Variants in ECD observed in about 807,000 individuals in gnomAD.
ECD encodes the protein ecdysoneless cell cycle regulator.
Under a neutral mutation model 77.2 loss-of-function variants are expected in ECD, and 59 were observed. That is an observed-to-expected ratio of 0.76 (90% confidence interval 0.62 to 0.95). ECD has a LOEUF of 0.95. Ranked by LOEUF, ECD falls within the 40% of genes least tolerant of loss-of-function variation. ECD has a pLI of 0.00. For missense variants in ECD, 704 were observed against 763.4 expected (o/e 0.92, Z 0.92); for synonymous variants, 233 against 267.4 (o/e 0.87, Z 1.26).
intron 1 of ECD, among the ~76,000 whole-genome samples, chr10:73,165,765 C>G (rs1489029475): frequency 6.6e-6 from 1 of 151,808 alleles, no homozygotes; most frequent in East Asian, 1.9e-4. Context: ...CTTTGTGTTA[C>G]AAACACTCTA....
chr10:73,141,676 G>T lies in ECD; in HGVS notation c.1128-1939C>A, dbSNP rs1843060360. Among the ~76,000 whole-genome samples the T allele has an allele frequency of 4.6e-5, 7 of 152,124 alleles. No homozygotes were observed. In the South Asian group the frequency reaches 1.5e-3, roughly 32 times the overall value. ...CTCACTATGACTCTCTTTAGCATTT[G>T]ATATTCCAGAATGATTTTTATTTTG... On this transcript the variant is annotated intron_variant, in intron 9 of 13. Coordinates refer to ENST00000372979, the MANE Select transcript of ECD (RefSeq NM_007265.3).
intron 9 of ECD, among the ~76,000 whole-genome samples, chr10:73,145,192 C>T (rs1843107392): frequency 6.6e-6 from 1 of 152,006 alleles, no homozygotes; most frequent in Non-Finnish European, 1.5e-5. Flanking sequence ...GGTGAAACCC[C>T]ATCTCTACTA....
rs1370312030 is a variant in ECD at position 73,134,412 on chromosome 10, A to C, written c.*171T>G. 1.6e-6 allele frequency: 1 copy of C among 641,976 alleles called. No individual in the cohort carries two copies. Among genetic ancestry groups the C allele is most frequent in the Non-Finnish European group, 2.7e-6 (1 of 376,556 alleles). The allele number at this position is 641,976 out of a possible 1,614,324, so 39.8% of individuals were successfully genotyped here. A position where few individuals can be genotyped will look rare whatever the true frequency, so the allele number is the denominator to read the frequency against. On this transcript the variant is annotated 3_prime_UTR_variant, in exon 14 of 14. Coordinates refer to ENST00000372979, the MANE Select transcript of ECD (RefSeq NM_007265.3). ...AAAACCTGTGTATAACCCACAGCTG[A>C]GATCACAAAGACTTGTGCCAAGAGG...
chr10:73,142,077 T>C (rs1366101939), intron 9 of ECD, among the ~76,000 whole-genome samples: 2 of 152,190 alleles, frequency 1.3e-5, no homozygotes, highest in South Asian at 2.1e-4. Context: ...TCTCAGCAAG[T>C]AGCTGGGATT....
chr10:73,145,262 G>A (rs1055480930), intron 9 of ECD, among the ~76,000 whole-genome samples: 14 of 152,026 alleles, frequency 9.2e-5, no homozygotes, highest in African/African-American at 3.4e-4. Flanking sequence ...TACTTGGGAG[G>A]CTGAGGCAGA....
intron 3 of ECD, among the ~76,000 whole-genome samples, chr10:73,158,085 C>T (rs1843323832): frequency 6.6e-6 from 1 of 151,956 alleles, no homozygotes; most frequent in African/African-American, 2.4e-5. Context: ...CTCAGCCTCC[C>T]GAGTAGCTGG....
At chr10:73,137,504 G>A (rs1305371262) in intron 12 of ECD, among the ~76,000 whole-genome samples, 1 of 152,108 alleles carries the variant, frequency 6.6e-6, no homozygotes, top group East Asian at 1.9e-4. Flanking sequence ...GGCCGGGCAC[G>A]GTGGCTCACG....
intron 9 of ECD, among the ~76,000 whole-genome samples, chr10:73,145,549 C>T (rs1843113160): frequency 6.6e-6 from 1 of 150,936 alleles, no homozygotes; most frequent in Non-Finnish European, 1.5e-5. Flanking sequence ...TCTCCTGCAA[C>T]ATAAATTAAA....
At chr10:73,154,492 T>C (rs777442786) in intron 5 of ECD, 44 bp from the exon 6 acceptor site, 1 of 1,511,740 alleles carries the variant, frequency 6.6e-7, no homozygotes, top group Non-Finnish European at 8.9e-7. Context: ...AGTATATAAA[T>C]ACCTATAATT....
intron 8 of ECD, among the ~76,000 whole-genome samples, chr10:73,147,987 T>C (rs1843150216): frequency 6.6e-6 from 1 of 152,198 alleles, no homozygotes; most frequent in African/African-American, 2.4e-5. Context: ...AATTTTCCTA[T>C]CTGGTGTTTT....
At chr10:73,156,528 A>T in intron 4 of ECD, 40 bp downstream of exon 4, 1 of 1,608,316 alleles carries the variant, frequency 6.2e-7, no homozygotes, top group Non-Finnish European at 8.5e-7. Context: ...ATGCAGCATG[A>T]TTTCATCTCT....
chr10:73,157,757 C>T (rs1048327471), intron 3 of ECD, among the ~76,000 whole-genome samples: 7 of 151,630 alleles, frequency 4.6e-5, no homozygotes, highest in Non-Finnish European at 8.8e-5. Flanking sequence ...AAAAAGTCTC[C>T]CTCCTACTTT....
chr10:73,140,698 A>C (rs1298821331), intron 9 of ECD, among the ~76,000 whole-genome samples: 1 of 146,638 alleles, frequency 6.8e-6, no homozygotes, highest in Non-Finnish European at 1.5e-5. Flanking sequence ...AAATAAAAAT[A>C]AATAAATTGG....
chr10:73,153,576 A>G (rs1286316640), intron 6 of ECD, among the ~76,000 whole-genome samples: 1 of 151,604 alleles, frequency 6.6e-6, no homozygotes, highest in Non-Finnish European at 1.5e-5. Flanking sequence ...ATCTAAAAAT[A>G]AAAAAATCAG....
intron 12 of ECD, 79 bp downstream of exon 12, chr10:73,137,924 A>C: frequency 2.9e-6 from 3 of 1,041,960 alleles, no homozygotes; most frequent in Non-Finnish European, 3.9e-6. Flanking sequence ...CTTCTGAGAT[A>C]TCTCATAAAC....
intron 9 of ECD, among the ~76,000 whole-genome samples, chr10:73,145,214 A>G (rs181732866): frequency 2.0e-5 from 3 of 152,240 alleles, no homozygotes; most frequent in Admixed American, 2.0e-4. Flanking sequence ...AAATACAAAA[A>G]TTAGCCAGAC....
chr10:73,153,708 A>T (rs1843249236), intron 6 of ECD, among the ~76,000 whole-genome samples: 1 of 135,318 alleles, frequency 7.4e-6, no homozygotes, highest in African/African-American at 2.7e-5. Flanking sequence ...CCTGGGTGAG[A>T]GAGTGAGACT....
chr10:73,137,613 A>C (rs1259247328), intron 12 of ECD, among the ~76,000 whole-genome samples: 1 of 152,072 alleles, frequency 6.6e-6, no homozygotes, highest in Non-Finnish European at 1.5e-5. Context: ...GTCTCTACTA[A>C]AAATACAAAA....
chr10:73,153,045 C>T (rs1308110959), intron 6 of ECD, among the ~76,000 whole-genome samples: 2 of 151,358 alleles, frequency 1.3e-5, no homozygotes, highest in Non-Finnish European at 1.5e-5. Context: ...GAGACAGGGT[C>T]TTGCTCTGTT....
Sources: allele counts gnomAD v4.1 joint callset (sites outside exome capture counted in the v4.1 genomes callset), GRCh38; gene constraint gnomAD v4.1.1; transcripts MANE v1.5; gene names NCBI Gene and HGNC (gene_info 2026-07-23, HGNC 2026-07-21).